Variants in VGF observed in about 807,000 individuals in gnomAD.
VGF encodes neurosecretory protein VGF.
Under a neutral mutation model 41.1 loss-of-function variants are expected in VGF, and 13 were observed. That is an observed-to-expected ratio of 0.32 (90% CI 0.21 to 0.50). The LOEUF (loss-of-function observed/expected upper bound fraction) is 0.50. Ranked by LOEUF, VGF falls within the 20% of genes least tolerant of loss-of-function variation. The pLI is 0.98. For missense variants in VGF, 920 were observed against 882.1 expected (o/e 1.04, Z -0.54); for synonymous variants, 473 against 418.3 (o/e 1.13, Z -1.60).
At chr7:101,166,880 G>A (rs895737170), upstream of VGF, among the ~76,000 whole-genome samples, 5 of 149,054 alleles carry the variant, frequency 3.4e-5, no homozygotes, top group Admixed American at 2.7e-4. Flanking sequence ...GCCTGGAGGG[G>A]GCTGCGGTGC....
In VGF at chr7:101,162,854, C is replaced by T; in HGVS notation, c.*142G>A. The T allele has an allele frequency of 1.5e-6, 1 of 684,558 alleles. No homozygotes were observed. Among genetic ancestry groups the T allele is most frequent in the Non-Finnish European group, 2.6e-6 (1 of 384,322 alleles). The allele number at this position is 684,558 out of a possible 1,614,324, so 42.4% of individuals were successfully genotyped here. A position where few individuals can be genotyped will look rare whatever the true frequency, so the allele number is the denominator to read the frequency against. Reference sequence around the variant, plus strand: ...ACCCGGGAGGGGGGTCTGGCAGGTCCCGACGCAGCCCGGGGACAGGGGCAG... The same window carrying T: ...ACCCGGGAGGGGGGTCTGGCAGGTCTCGACGCAGCCCGGGGACAGGGGCAG... On this transcript the variant is annotated 3_prime_UTR_variant, in exon 2 of 2. Coordinates refer to ENST00000249330, the MANE Select transcript of VGF (RefSeq NM_003378.4). This position sits in a 1 kb window ranked among gnomAD's most constrained non-coding sequence, Gnocchi z 4.2.
chr7:101,165,012 G>C, intron 1 of VGF, 149 bp from the exon 2 acceptor site: 1 of 1,361,386 alleles, frequency 7.3e-7, no homozygotes, highest in Non-Finnish European at 9.5e-7. Context: ...TAGGAGCAAA[G>C]GAGGAAGATG....
At chr7:101,166,515 T>TTTG, upstream of VGF, among the ~76,000 whole-genome samples, 1 of 132,290 alleles carries the variant, frequency 7.6e-6, no homozygotes, top group East Asian at 2.3e-4. Flanking sequence ...GTTGCGCAGG[T>TTTG]GGGGGGGGGG....
At chr7:101,165,130 C>G in intron 1 of VGF, 1 of 1,162,120 alleles carries the variant, frequency 8.6e-7, no homozygotes, top group Non-Finnish European at 1.1e-6. Context: ...CCATCGCCCA[C>G]GTACTAAGCA....
chr7:101,169,605 C>A (rs1185732982), upstream of VGF, among the ~76,000 whole-genome samples: 1 of 152,106 alleles, frequency 6.6e-6, no homozygotes, highest in Non-Finnish European at 1.5e-5. Context: ...GAGGGAGGGG[C>A]GCCAAAACCC....
chr7:101,163,960 C>A lies in VGF; in HGVS notation c.884G>T (p.Arg295Leu). 6.9e-7 allele frequency: 1 copy of A among 1,456,168 alleles called. No individual in the cohort carries two copies. The highest frequency in any genetic ancestry group is 8.9e-7 in the Non-Finnish European group (1 of 1,118,570). The allele number at this position is 1,456,168 out of a possible 1,614,324, so 90.2% of individuals were successfully genotyped here. The change falls in exon 2 of 2, where the codon CGC becomes CTC. Residue 295 changes from arginine (R) to leucine (L), a missense_variant. Arg to Leu is a moderately radical substitution (Grantham distance 102, BLOSUM62 -2). Transcript: ENST00000249330. This position sits in a 1 kb window ranked among gnomAD's most constrained non-coding sequence, Gnocchi z 5.0. ...ALLGGSEAGE[R>L]LLQQGLAQVE... ...CTGCGCCAGCCCTTGCTGGAGAAGG[C>A]GCTCGCCCGCCTCGGAGCCGCCCAG...
chr7:101,163,142 G>C lies in VGF; in HGVS notation c.1702C>G (p.His568Asp). The C allele has an allele frequency of 1.3e-6, 2 of 1,584,802 alleles. No homozygotes were observed. The highest frequency in any genetic ancestry group is 1.4e-5 in the African/African-American group (1 of 71,230). ...TAGTGGCGCGAAGGCGGCAAGGCGT[G>C]GTGGTAGTGGCGGCGGCGCAAGGCC... ...PSALRRRHYH[H>D]ALPPSRHYPG... The change falls in exon 2 of 2, where the codon CAC (histidine) becomes GAC (aspartate). Residue 568 changes from histidine to aspartate, a missense_variant. Around this residue, in one of 3 missense-constraint regions of VGF, gnomAD observed 257 missense variants for 217.2 expected, o/e 1.18. Transcript: ENST00000249330. This position sits in a 1 kb window ranked among gnomAD's most constrained non-coding sequence, Gnocchi z 5.0.
Position 101,163,761 on chromosome 7 carries a change from T to A in VGF, c.1083A>T (p.Ala361=). 6.5e-7 allele frequency: 1 copy of A among 1,532,080 alleles called. No individual in the cohort carries two copies. The highest frequency in any genetic ancestry group is 1.2e-5 in the South Asian group (1 of 83,938). The allele number at this position is 1,532,080 out of a possible 1,614,324, so 94.9% of individuals were successfully genotyped here. Reference sequence around the variant, plus strand: ...CCTGCTCCGCCTCCTCCTCCTCCCTTGCACTCTCTCGCTCCTCCGCCGCCT... The same window carrying A: ...CCTGCTCCGCCTCCTCCTCCTCCCTAGCACTCTCTCGCTCCTCCGCCGCCT... ...LQEAAEERES[A]REEEEAEQER... Residue 361 remains alanine, a synonymous_variant, in exon 2 of 2, where the codon GCA becomes GCT. Coordinates refer to ENST00000249330, the MANE Select transcript of VGF (RefSeq NM_003378.4). The surrounding 1 kb of genome is among the most constrained non-coding windows in gnomAD (Gnocchi z 5.0).
At chr7:101,169,304 A>ACACAC (rs1797270096), upstream of VGF, among the ~76,000 whole-genome samples, 1 of 151,158 alleles carries the variant, frequency 6.6e-6, no homozygotes. Flanking sequence ...ACTAACACAC[A>ACACAC]CACACACACA....
chr7:101,167,532 G>A (rs1797240055), upstream of VGF, among the ~76,000 whole-genome samples: 1 of 152,138 alleles, frequency 6.6e-6, no homozygotes, highest in Non-Finnish European at 1.5e-5. This position sits in a 1 kb window ranked among gnomAD's most constrained non-coding sequence, Gnocchi z 4.2. Context: ...GATGGGGAGG[G>A]GGTCACGTTA....
In VGF at chr7:101,163,996, T is replaced by C. The variant is rs760320112; in HGVS notation, c.848A>G (p.Glu283Gly). Residue 283 changes from glutamate (E) to glycine (G), a missense_variant, in exon 2 of 2, where the codon GAG (glutamate) becomes GGG (glycine). Transcript: ENST00000249330. The surrounding 1 kb of genome is among the most constrained non-coding windows in gnomAD (Gnocchi z 5.0). ...CTCGGAGCCGCCCAGGAGTGCGCTC[T>C]CCGGCCGGCGCGCCTTGGGGAACGG... ...AAPFPKARRPESALLGGSEAG... is the reference protein window; with the variant it reads ...AAPFPKARRPGSALLGGSEAG... 4.1e-6 allele frequency: 6 copies of C among 1,469,460 alleles called. No individual in the cohort carries two copies. The highest frequency in any genetic ancestry group is 1.4e-5 in the South Asian group (1 of 70,044). 91.0% of individuals were successfully genotyped at this position (1,469,460 alleles called of 1,614,324 possible).
rs1797203368 is a variant in VGF, at chr7:101,165,520, C to T, written c.-167G>A. The T allele has an allele frequency of 2.0e-6, 2 of 985,460 alleles. No homozygotes were observed. The highest frequency in any genetic ancestry group is 2.4e-6 in the Non-Finnish European group (2 of 829,968). The allele number at this position is 985,460 out of a possible 1,614,324, so 61.0% of individuals were successfully genotyped here. ...CTGGCGTCCCGTGGGCTGGGCTCAG[C>T]TGGGTCGGCGCGGCTCCGGGCGGCT... On this transcript the variant is annotated 5_prime_UTR_variant, in exon 1 of 2. Coordinates refer to ENST00000249330, the MANE Select transcript of VGF (RefSeq NM_003378.4).
chr7:101,164,545 C>A lies in VGF; in HGVS notation c.299G>T (p.Ser100Ile), dbSNP rs1429835501. 1 of 1,599,440 alleles carries A rather than the reference C, an allele frequency of 6.3e-7. No individual in the cohort carries two copies. Among genetic ancestry groups the A allele is most frequent in the Non-Finnish European group, 8.5e-7 (1 of 1,177,902 alleles). Residue 100 changes from serine to isoleucine, a missense_variant, in exon 2 of 2, where the codon AGC becomes ATC. This residue lies in a region of VGF where 654 missense variants were observed against 638.4 expected (regional missense o/e 1.02). Coordinates refer to ENST00000249330, the MANE Select transcript of VGF (RefSeq NM_003378.4). ...LDRPASPPAP[S>I]GSQQGPEEEA... is the part of the protein sequence containing the mutation. ...TTCCTCCGGCCCCTGCTGGGAGCCGCTTGGTGCCGGGGGTGAGGCGGGACG... is the reference window on the plus strand; with the variant it reads ...TTCCTCCGGCCCCTGCTGGGAGCCGATTGGTGCCGGGGGTGAGGCGGGACG...
rs747668448 is a variant in VGF at position 101,163,565 on chromosome 7, G to A, written c.1279C>T (p.His427Tyr). The A allele has an allele frequency of 1.1e-5, 18 of 1,586,360 alleles. No homozygotes were observed. Among genetic ancestry groups the A allele is most frequent in the Non-Finnish European group, 1.5e-5 (17 of 1,166,494 alleles). The change falls in exon 2 of 2, where the codon CAC becomes TAC. Residue 427 changes from histidine (H) to tyrosine (Y), a missense_variant. This residue lies in a region of VGF where 654 missense variants were observed against 638.4 expected (regional missense o/e 1.02). Coordinates refer to ENST00000249330, the MANE Select transcript of VGF (RefSeq NM_003378.4). The surrounding 1 kb of genome is among the most constrained non-coding windows in gnomAD (Gnocchi z 5.0). Reference protein sequence around the residue: ...DKRSQEETPGHRRKEAEGTEE... With the variant: ...DKRSQEETPGYRRKEAEGTEE... Reference sequence around the variant, plus strand: ...GTCCCCTCGGCCTCCTTCCGCCGGTGGCCCGGCGTCTCCTCCTGGGAGCGC... The same window carrying A: ...GTCCCCTCGGCCTCCTTCCGCCGGTAGCCCGGCGTCTCCTCCTGGGAGCGC...
chr7:101,163,368 C>G lies in VGF; in HGVS notation c.1476G>C (p.Pro492=), dbSNP rs557696335. The change falls in exon 2 of 2, where the codon CCG becomes CCC. Residue 492 remains proline, a synonymous_variant. Coordinates refer to ENST00000249330, the MANE Select transcript of VGF (RefSeq NM_003378.4). This position sits in a 1 kb window ranked among gnomAD's most constrained non-coding sequence, Gnocchi z 5.0. ...RKKNAPPEPV[P]PPRAAPAPTH... is the part of the protein sequence containing the mutation. The stretch of plus-strand genomic sequence containing the variant: ...TGGGGGCGGGGGCGGCACGGGGGGG[C>G]GGCACGGGCTCGGGAGGGGCGTTCT... 1.9e-3 allele frequency: 2,911 copies of G among 1,530,266 alleles called. 7 individuals carry two copies. The highest frequency in any genetic ancestry group is 2.2e-3 in the Non-Finnish European group (2,509 of 1,143,274). The allele number at this position is 1,530,266 out of a possible 1,614,324, so 94.8% of individuals were successfully genotyped here.
Position 101,163,615 on chromosome 7 carries a change from T to C in VGF, c.1229A>G (p.Asp410Gly). 1.3e-6 allele frequency: 2 copies of C among 1,549,652 alleles called. No individual in the cohort carries two copies. Among genetic ancestry groups the C allele is most frequent in the South Asian group, 1.2e-5 (1 of 85,394 alleles). ...CTTGTCCTCGGCGCCGGCTTCCCCG[T>C]CCTCCTCCTCCGCGAACAGGAGCGC... The part of the protein sequence containing the change: ...QNALLFAEEE[D>G]GEAGAEDKRS... The change falls in exon 2 of 2, where the codon GAC (aspartate) becomes GGC (glycine). Residue 410 changes from aspartate (D) to glycine (G), a missense_variant. This residue lies in a region of VGF where 654 missense variants were observed against 638.4 expected (regional missense o/e 1.02). Coordinates refer to ENST00000249330, the MANE Select transcript of VGF (RefSeq NM_003378.4). The surrounding 1 kb of genome is among the most constrained non-coding windows in gnomAD (Gnocchi z 5.0).
intron 1 of VGF, 185 bp downstream of exon 1, chr7:101,165,189 C>T: frequency 9.7e-7 from 1 of 1,031,688 alleles, no homozygotes; most frequent in Non-Finnish European, 1.2e-6. Flanking sequence ...CCGTAGGACT[C>T]CCCGGATGGT....
At position 101,163,571 on chromosome 7, in the gene VGF, G is replaced by T. The variant is rs1190348489; in HGVS notation, c.1273C>A (p.Pro425Thr). Residue 425 changes from proline (P) to threonine (T), a missense_variant, in exon 2 of 2, where the codon CCG becomes ACG. Pro to Thr is a conservative substitution (Grantham distance 38). Transcript: ENST00000249330. This position sits in a 1 kb window ranked among gnomAD's most constrained non-coding sequence, Gnocchi z 5.0. The stretch of plus-strand genomic sequence containing the variant: ...TCGGCCTCCTTCCGCCGGTGGCCCG[G>T]CGTCTCCTCCTGGGAGCGCTTGTCC... ...AEDKRSQEET[P>T]GHRRKEAEGT... The T allele has an allele frequency of 6.3e-7, 1 of 1,582,440 alleles. No homozygotes were observed. The highest frequency in any genetic ancestry group is 8.6e-7 in the Non-Finnish European group (1 of 1,164,548).
upstream of VGF, among the ~76,000 whole-genome samples, chr7:101,168,023 T>G (rs867482875): frequency 2.4e-3 from 357 of 150,538 alleles, 3 homozygotes; most frequent in African/African-American, 8.1e-3. Flanking sequence ...TTTTTTGTTT[T>G]TTTTTTTTAT....
Sources: allele counts gnomAD v4.1 joint callset (sites outside exome capture counted in the v4.1 genomes callset), GRCh38; gene constraint gnomAD v4.1.1; regional missense constraint gnomAD v4.1.1; non-coding constraint Gnocchi (gnomAD v3.1); transcripts MANE v1.5; gene names NCBI Gene and HGNC (gene_info 2026-07-23, HGNC 2026-07-21).